NFIA: variants seen among roughly 807,000 people sequenced by gnomAD.
NFIA encodes nuclear factor 1 A-type.
Under a neutral mutation model 62.8 loss-of-function variants are expected in NFIA, and 8 were observed. The observed-to-expected ratio is 0.13, with a 90% CI of 0.07 to 0.23. The LOEUF is 0.23. Ranked by LOEUF, NFIA falls within the 10% of genes least tolerant of loss-of-function variation. NFIA has a pLI of 1.00. For synonymous variants in NFIA, 235 were observed against 238.1 expected (o/e 0.99, Z 0.12); for missense variants, 410 against 642.1 (o/e 0.64, Z 3.91).
chr1:61,094,232 A>G (rs1646372877), intron 2 of NFIA, among the ~76,000 whole-genome samples: 1 of 152,202 alleles, frequency 6.6e-6, no homozygotes, highest in Admixed American at 6.5e-5. Flanking sequence ...GGGTTGAGTA[A>G]GGGAAGGAAG....
At chr1:61,280,539 A>G (rs989421276) in intron 3 of NFIA, among the ~76,000 whole-genome samples, 2 of 152,192 alleles carry the variant, frequency 1.3e-5, no homozygotes, top group Admixed American at 6.5e-5. Flanking sequence ...AACGAATGGT[A>G]TTTCCCTAGT....
intron 2 of NFIA, among the ~76,000 whole-genome samples, chr1:61,185,711 C>A (rs762839116): frequency 6.7e-6 from 1 of 150,202 alleles, no homozygotes; most frequent in Admixed American, 6.7e-5. Context: ...GTTTTCAGAA[C>A]CTGCCATCCC....
At chr1:61,206,041 G>A (rs891467073) in intron 2 of NFIA, among the ~76,000 whole-genome samples, 2 of 150,564 alleles carry the variant, frequency 1.3e-5, no homozygotes, top group African/African-American at 4.9e-5. Context: ...TCAGCCTCCC[G>A]AGTAGCTGGG....
intron 4 of NFIA, among the ~76,000 whole-genome samples, chr1:61,333,224 T>C (rs1661403951): frequency 2.0e-5 from 3 of 152,188 alleles, no homozygotes; most frequent in African/African-American, 7.2e-5. Flanking sequence ...TTTGTTTTAC[T>C]CCTCCAACTA....
chr1:61,390,840 GGA>G (rs1664936747), intron 7 of NFIA, among the ~76,000 whole-genome samples: 1 of 152,152 alleles, frequency 6.6e-6, no homozygotes, highest in African/African-American at 2.4e-5. Context: ...CCCGGCATAA[GGA>G]AAGCACTCAA....
chr1:61,387,803 T>C (rs1664782659), intron 7 of NFIA, among the ~76,000 whole-genome samples: 2 of 152,256 alleles, frequency 1.3e-5, no homozygotes, highest in Admixed American at 6.5e-5. Context: ...TTATCCCCTC[T>C]CTGACCCTGA....
chr1:61,434,421 C>T (rs959992156), intron 10 of NFIA, among the ~76,000 whole-genome samples: 1 of 152,180 alleles, frequency 6.6e-6, no homozygotes, highest in Non-Finnish European at 1.5e-5. Context: ...GTTCTTGACA[C>T]ATTCTCTTCA....
rs552513788 is a variant in NFIA at position 61,257,869 on chromosome 1, T to C, written c.560-19651T>C. 3.4e-4 allele frequency among the ~76,000 whole-genome samples: 48 copies of C among 139,714 alleles called. 1 individual carries two copies. The highest frequency in any genetic ancestry group is 6.8e-4 in the Non-Finnish European group (44 of 64,392). 91.7% of individuals were successfully genotyped at this position (139,714 alleles called of 152,430 possible). A position where few individuals can be genotyped will look rare whatever the true frequency, so the allele number is the denominator to read the frequency against. On this transcript the variant is annotated intron_variant, in intron 2 of 10. Transcript: ENST00000403491. The stretch of plus-strand genomic sequence containing the variant: ...GGACTACATGCTTAGCTGTTTTTTT[T>C]TTTTTTTCTTTTTTTCTTTTTTTTT...
chr1:61,171,451 A>G (rs536955049), intron 2 of NFIA, among the ~76,000 whole-genome samples: 6 of 152,282 alleles, frequency 3.9e-5, no homozygotes, highest in African/African-American at 1.4e-4. Context: ...ATGTGGTGAC[A>G]TTTTTTTCTC....
At chr1:61,420,792 C>G (rs1420025479) in intron 9 of NFIA, among the ~76,000 whole-genome samples, 2 of 152,162 alleles carry the variant, frequency 1.3e-5, no homozygotes, top group Non-Finnish European at 2.9e-5. Flanking sequence ...GGAAGAATGT[C>G]TAGTTGCCTT....
At chr1:61,121,779 A>G (rs999517516) in intron 2 of NFIA, among the ~76,000 whole-genome samples, 1 of 152,210 alleles carries the variant, frequency 6.6e-6, no homozygotes, top group East Asian at 1.9e-4. Context: ...CAAAATGTTC[A>G]CTAGCTGGAC....
At chr1:61,317,419 T>C (rs57745468) in intron 3 of NFIA, among the ~76,000 whole-genome samples, 8,308 of 152,114 alleles carry the variant, frequency 0.055, 774 homozygotes, top group African/African-American at 0.19. Context: ...GATTTATATT[T>C]GAAAATATTT....
intron 3 of NFIA, among the ~76,000 whole-genome samples, chr1:61,317,355 A>G (rs1197969789): frequency 6.6e-6 from 1 of 152,142 alleles, no homozygotes; most frequent in East Asian, 1.9e-4. Context: ...CCTTATGTCT[A>G]GAATAATGCT....
In NFIA at chr1:61,461,374, T is replaced by C. The variant is rs1262312512; in HGVS notation, c.*6054T>C. The C allele has an allele frequency of 6.6e-6, 1 of 152,196 alleles. No homozygotes were observed. The highest frequency in any genetic ancestry group is 1.5e-5 in the Non-Finnish European group (1 of 68,022). The allele number at this position is 152,196 out of a possible 1,614,324, so 9.4% of individuals were successfully genotyped here. A position where few individuals can be genotyped will look rare whatever the true frequency, so the allele number is the denominator to read the frequency against. On this transcript the variant is annotated 3_prime_UTR_variant, in exon 11 of 11. Transcript: ENST00000403491. ...TTCAAAAATAAAACTCTGTACAAAC[T>C]TTGGGCCCGATTCATAAGAAAAAGA...
intron 6 of NFIA, among the ~76,000 whole-genome samples, chr1:61,360,250 C>G (rs1663213153): frequency 6.6e-6 from 1 of 152,146 alleles, no homozygotes; most frequent in South Asian, 2.1e-4. Flanking sequence ...GAAACCCTTT[C>G]CAATGTCTAA....
intron 2 of NFIA, among the ~76,000 whole-genome samples, chr1:61,266,125 A>G (rs748168856): frequency 6.6e-6 from 1 of 152,166 alleles, no homozygotes; most frequent in Non-Finnish European, 1.5e-5. Flanking sequence ...CTTCATCTAT[A>G]GATATTCTGG....
intron 9 of NFIA, among the ~76,000 whole-genome samples, chr1:61,420,693 C>G (rs1347118590): frequency 6.6e-6 from 1 of 152,070 alleles, no homozygotes. Flanking sequence ...GGGAGACTCC[C>G]ACACATGAAT....
At chr1:61,203,042 G>A (rs1652616762) in intron 2 of NFIA, among the ~76,000 whole-genome samples, 1 of 152,210 alleles carries the variant, frequency 6.6e-6, no homozygotes, top group South Asian at 2.1e-4. Flanking sequence ...AGGGTGAAAT[G>A]GGGATTACAC....
intron 2 of NFIA, among the ~76,000 whole-genome samples, chr1:61,204,071 A>G (rs1652724846): frequency 6.6e-6 from 1 of 152,190 alleles, no homozygotes; most frequent in Admixed American, 6.5e-5. Context: ...CGTGGGATGT[A>G]TTTTGCCACC....
Sources: gnomAD v4.1 joint callset for allele counts (sites outside exome capture counted in the v4.1 genomes callset) on GRCh38, gnomAD v4.1.1 for gene constraint, MANE v1.5 for transcripts, NCBI Gene and HGNC (gene_info 2026-07-23, HGNC 2026-07-21) for gene names.